Variants in RPRD1A observed in about 807,000 individuals in gnomAD.
The protein encoded by RPRD1A is regulation of nuclear pre-mRNA domain containing 1A.
RPRD1A carries 9 observed loss-of-function variants against 37.8 expected under a neutral mutation model. The observed-to-expected ratio is 0.24, with a 90% CI of 0.14 to 0.42. The LOEUF is 0.42. RPRD1A is among the 10% of genes least tolerant of loss of function. The probability of loss-of-function intolerance (pLI) is 1.00; values close to 1 mark genes in which losing one functional copy is unlikely to be tolerated. For missense variants in RPRD1A, 255 were observed against 371.0 expected (o/e 0.69, Z 2.57); for synonymous variants, 138 against 139.7 (o/e 0.99, Z 0.08).
chr18:36,026,776 G>A (rs752102574), intron 6 of RPRD1A, 124 bp downstream of exon 6: 14 of 695,938 alleles, frequency 2.0e-5, no homozygotes, highest in African/African-American at 3.6e-5. Context: ...AGCTTACCTG[G>A]GCTACTGCTT....
intron 1 of RPRD1A, among the ~76,000 whole-genome samples, chr18:36,046,640 G>A (rs941781149): frequency 9.2e-5 from 14 of 151,726 alleles, no homozygotes; most frequent in East Asian, 3.9e-4. Flanking sequence ...AGGCCAGCCC[G>A]GGGCAACATG....
In RPRD1A at chr18:36,008,573, G is replaced by GTATATATATATATATATATATATATATA. The variant is rs1339247337; in HGVS notation, c.790-15274_790-15273insTATATATATATATATATATATATATATA. On this transcript the variant is annotated intron_variant, in intron 6 of 6. Transcript: ENST00000399022. Reference sequence around the variant, plus strand: ...CCTGGGCGACACAGCAAGACCTTGTGTGTGTATATATATATATCTTTAAAA... The same window carrying GTATATATATATATATATATATATATATA: ...CCTGGGCGACACAGCAAGACCTTGTGTATATATATATATATATATATATATATATGTGTATATATATATATCTTTAAAA... 7.9e-4 allele frequency among the ~76,000 whole-genome samples: 29 copies of GTATATATATATATATATATATATATATA among 36,628 alleles called. 2 individuals carry two copies. Among genetic ancestry groups the GTATATATATATATATATATATATATATA allele is most frequent in the African/African-American group, 3.2e-3 (26 of 8,098 alleles). 24.0% of individuals were successfully genotyped at this position (36,628 alleles called of 152,430 possible). A position where few individuals can be genotyped will look rare whatever the true frequency, so the allele number is the denominator to read the frequency against.
At chr18:36,049,050 C>T (rs973168144) in intron 1 of RPRD1A, among the ~76,000 whole-genome samples, 1 of 152,080 alleles carries the variant, frequency 6.6e-6, no homozygotes, top group African/African-American at 2.4e-5. Context: ...TACAGGCATG[C>T]GCCACCACTG....
At chr18:36,029,891 C>T (rs900545886) in intron 4 of RPRD1A, among the ~76,000 whole-genome samples, 12 of 151,652 alleles carry the variant, frequency 7.9e-5, no homozygotes, top group East Asian at 2.0e-4. Flanking sequence ...CTGCAAGCTC[C>T]GCCTCCCAGG....
chr18:36,060,783 T>C (rs1374968128), intron 1 of RPRD1A, among the ~76,000 whole-genome samples: 1 of 152,072 alleles, frequency 6.6e-6, no homozygotes, highest in Non-Finnish European at 1.5e-5. Context: ...TGATTACAAA[T>C]AGGAGGAAAA....
At chr18:36,048,345 C>T (rs1174752235) in intron 1 of RPRD1A, among the ~76,000 whole-genome samples, 1 of 152,042 alleles carries the variant, frequency 6.6e-6, no homozygotes, top group Non-Finnish European at 1.5e-5. Context: ...GGATTACAGG[C>T]GTGAGCCACC....
intron 6 of RPRD1A, among the ~76,000 whole-genome samples, chr18:36,009,362 G>C (rs1910025368): frequency 6.6e-6 from 1 of 152,132 alleles, no homozygotes; most frequent in Non-Finnish European, 1.5e-5. Flanking sequence ...CCTGGCCCAA[G>C]AAAGGAGGAT....
intron 1 of RPRD1A, among the ~76,000 whole-genome samples, chr18:36,047,968 T>C (rs556683012): frequency 3.7e-4 from 57 of 152,166 alleles, no homozygotes; most frequent in Middle Eastern, 3.4e-3. Flanking sequence ...TTTATGAAGT[T>C]AGTGCTATGG....
chr18:36,058,439 T>C lies in RPRD1A; in HGVS notation c.151+8815A>G, dbSNP rs190294566. Among the ~76,000 whole-genome samples, 18 of 152,352 alleles carry C rather than the reference T, an allele frequency of 1.2e-4. 1 individual carries two copies. Among genetic ancestry groups the C allele is most frequent in the African/African-American group, 3.8e-4 (16 of 41,588 alleles). Reference sequence around the variant, plus strand: ...AGCCTGTAAAATTACAGATTGTTTGTTTAATGTAGGAACACACTTTTATTT... The same window carrying C: ...AGCCTGTAAAATTACAGATTGTTTGCTTAATGTAGGAACACACTTTTATTT... On this transcript the variant is annotated intron_variant, in intron 1 of 6. Coordinates refer to ENST00000399022, the MANE Select transcript of RPRD1A (RefSeq NM_018170.5).
intron 6 of RPRD1A, among the ~76,000 whole-genome samples, chr18:35,996,968 A>T (rs1167515509): frequency 1.7e-5 from 2 of 119,434 alleles, no homozygotes; most frequent in Non-Finnish European, 3.3e-5. Context: ...ATAGAGTGAG[A>T]CCCTGTCTCA....
At chr18:36,057,144 G>A (rs1438448651) in intron 1 of RPRD1A, among the ~76,000 whole-genome samples, 6 of 151,476 alleles carry the variant, frequency 4.0e-5, no homozygotes, top group African/African-American at 1.5e-4. Flanking sequence ...TTGAGCCTGG[G>A]AGGTTGGGGC....
rs180762388 is a variant in RPRD1A at position 36,017,304 on chromosome 18, A to C, written c.789+9596T>G. On this transcript the variant is annotated intron_variant, in intron 6 of 6. Coordinates refer to ENST00000399022, the MANE Select transcript of RPRD1A (RefSeq NM_018170.5). ...TAACAGAGTGAGACCTTGTCTCAAA[A>C]CACACACACACACACTTCACTGCTA... is the stretch of plus-strand genomic sequence containing the variant. Among the ~76,000 whole-genome samples the C allele has an allele frequency of 3.4e-3, 497 of 146,992 alleles. 1 individual carries two copies. Among genetic ancestry groups the C allele is most frequent in the African/African-American group, 0.013 (484 of 37,064 alleles).
intron 6 of RPRD1A, among the ~76,000 whole-genome samples, chr18:36,008,975 T>C (rs1160797518): frequency 6.6e-6 from 1 of 152,154 alleles, no homozygotes; most frequent in Non-Finnish European, 1.5e-5. Flanking sequence ...TGTTTTCTGA[T>C]GGACACTAAC....
chr18:36,044,893 C>T (rs1912843999), intron 1 of RPRD1A, among the ~76,000 whole-genome samples: 1 of 147,058 alleles, frequency 6.8e-6, no homozygotes, highest in African/African-American at 2.4e-5. Flanking sequence ...AAAATAAAAA[C>T]AATAGTCTGA....
intron 6 of RPRD1A, among the ~76,000 whole-genome samples, chr18:36,008,072 T>G (rs769778727): frequency 2.2e-4 from 33 of 152,194 alleles, no homozygotes; most frequent in Admixed American, 4.6e-4. Context: ...AAAGACTATC[T>G]CTAGAAAAAT....
Position 36,058,982 on chromosome 18 carries a change from T to G in RPRD1A, c.151+8272A>C, listed in dbSNP as rs558132157. 2.0e-5 allele frequency among the ~76,000 whole-genome samples: 3 copies of G among 152,282 alleles called. No individual in the cohort carries two copies. In the East Asian group the frequency reaches 5.8e-4, roughly 29 times the overall value. On this transcript the variant is annotated intron_variant, in intron 1 of 6. Coordinates refer to ENST00000399022, the MANE Select transcript of RPRD1A (RefSeq NM_018170.5). ...AAATAATCACTCCTTTCCCTGGTATTTTTTAGCAAATATAATTGGTTTTCA... is the reference window on the plus strand; with the variant it reads ...AAATAATCACTCCTTTCCCTGGTATGTTTTAGCAAATATAATTGGTTTTCA...
chr18:36,043,963 T>C (rs1238675147), intron 1 of RPRD1A, among the ~76,000 whole-genome samples: 1 of 152,222 alleles, frequency 6.6e-6, no homozygotes, highest in Non-Finnish European at 1.5e-5. Context: ...ACTTTACTGA[T>C]AACATAAATA....
chr18:35,994,482 G>A (rs1160799504), intron 6 of RPRD1A, among the ~76,000 whole-genome samples: 1 of 152,158 alleles, frequency 6.6e-6, no homozygotes, highest in African/African-American at 2.4e-5. Flanking sequence ...AGAAAAATCA[G>A]CAGGAATTGG....
At chr18:36,037,586 G>A (rs570733102) in intron 1 of RPRD1A, among the ~76,000 whole-genome samples, 4 of 152,232 alleles carry the variant, frequency 2.6e-5, no homozygotes, top group East Asian at 3.8e-4. Flanking sequence ...GGGCACTGCT[G>A]TAAAGATACC....
Sources: gnomAD v4.1 joint callset for allele counts (sites outside exome capture counted in the v4.1 genomes callset) on GRCh38, gnomAD v4.1.1 for gene constraint, MANE v1.5 for transcripts, NCBI Gene and HGNC (gene_info 2026-07-23, HGNC 2026-07-21) for gene names.